WWOX: variants seen among roughly 807,000 people sequenced by gnomAD.
WWOX encodes WW domain-containing oxidoreductase.
Under a neutral mutation model 46.2 loss-of-function variants are expected in WWOX, and 69 were observed. That is an observed-to-expected ratio of 1.49 (90% CI 1.23 to 1.82). WWOX has a LOEUF of 1.82. Among genes scored for constraint, WWOX ranks in the 40% most tolerant of loss-of-function variants. WWOX has a pLI of 0.00. For synonymous variants in WWOX, 359 were observed against 202.6 expected, an observed-to-expected ratio of 1.77 and a Z score of -6.56; for missense variants, 919 against 542.6, an observed-to-expected ratio of 1.69 and a Z score of -6.89.
At chr16:78,881,757 G>A (rs7404729) in intron 8 of WWOX, among the ~76,000 whole-genome samples, 16,833 of 152,154 alleles carry the variant, frequency 0.11, 1,136 homozygotes, top group Non-Finnish European at 0.13. Flanking sequence ...GCTTGTCTAC[G>A]CCAAAATGGT....
intron 8 of WWOX, chr16:78,757,105 A>G: frequency 7.2e-6 from 5 of 692,404 alleles, no homozygotes; most frequent in East Asian, 5.4e-5. Flanking sequence ...CTGGAACTTT[A>G]TTTGAGCCCC....
chr16:79,051,629 T>G (rs542397377), intron 8 of WWOX, among the ~76,000 whole-genome samples: 1 of 152,312 alleles, frequency 6.6e-6, no homozygotes, highest in Admixed American at 6.5e-5. Flanking sequence ...TGCCTCAAAT[T>G]TCTTTAGTGT....
intron 8 of WWOX, among the ~76,000 whole-genome samples, chr16:78,985,334 G>T (rs377647947): frequency 1.3e-5 from 2 of 152,204 alleles, no homozygotes. Flanking sequence ...CCACCGGCAC[G>T]CAGGGTGTTG....
chr16:78,444,128 C>T (rs1197361655), intron 8 of WWOX, among the ~76,000 whole-genome samples: 5 of 152,222 alleles, frequency 3.3e-5, no homozygotes, highest in African/African-American at 1.2e-4. Flanking sequence ...CTTCTTTTTA[C>T]ACCAAGATAA....
intron 6 of WWOX, among the ~76,000 whole-genome samples, chr16:78,395,078 TC>T (rs2082255498): frequency 6.6e-6 from 1 of 152,236 alleles, no homozygotes; most frequent in African/African-American, 2.4e-5. Flanking sequence ...AATATGCATT[TC>T]TTTCTCATCT....
chr16:79,105,071 A>G (rs192306004), intron 8 of WWOX, among the ~76,000 whole-genome samples: 4 of 152,234 alleles, frequency 2.6e-5, no homozygotes, highest in Admixed American at 1.3e-4. Flanking sequence ...ATGTGATATG[A>G]CAGACTGGAA....
intron 8 of WWOX, among the ~76,000 whole-genome samples, chr16:78,546,220 T>C (rs1163254167): frequency 2.0e-5 from 3 of 152,100 alleles, no homozygotes; most frequent in Non-Finnish European, 4.4e-5. Context: ...ACTCTAACCT[T>C]GTGTAGGAGC....
intron 8 of WWOX, among the ~76,000 whole-genome samples, chr16:79,014,044 C>T (rs978008539): frequency 6.6e-6 from 1 of 152,192 alleles, no homozygotes; most frequent in Non-Finnish European, 1.5e-5. Flanking sequence ...TAGAGACTGT[C>T]AATTCCTGAG....
chr16:78,373,542 A>G (rs2081745724), intron 5 of WWOX, among the ~76,000 whole-genome samples: 1 of 152,048 alleles, frequency 6.6e-6, no homozygotes, highest in African/African-American at 2.4e-5. Context: ...TGTCTAGTCA[A>G]CCTCTTTTTC....
intron 8 of WWOX, among the ~76,000 whole-genome samples, chr16:78,681,453 A>G (rs9940697): frequency 0.11 from 16,473 of 152,064 alleles, 1,085 homozygotes; most frequent in East Asian, 0.18. Context: ...TCTATAAAAC[A>G]ATAAAGGAAA....
intron 8 of WWOX, among the ~76,000 whole-genome samples, chr16:78,833,872 C>A (rs1009058727): frequency 6.6e-6 from 1 of 152,266 alleles, no homozygotes; most frequent in African/African-American, 2.4e-5. Context: ...CATGCCTTCT[C>A]TATGGTACCA....
Position 78,706,867 on chromosome 16 carries a change from G to C in WWOX, c.1056+274115G>C, listed in dbSNP as rs545879771. Among the ~76,000 whole-genome samples the C allele has an allele frequency of 1.1e-4, 17 of 151,202 alleles. No homozygotes were observed. The South Asian group carries it at 3.3e-3, about 30-fold the overall frequency. On this transcript the variant is annotated intron_variant, in intron 8 of 8. Transcript: ENST00000566780. ...TCTGGAGTGTAATTGACGCAATCCT[G>C]GCTGGCTGCAGCCTTGACCTTCTGG... is the stretch of plus-strand genomic sequence containing the variant.
At chr16:78,413,319 C>G (rs538034416) in intron 6 of WWOX, among the ~76,000 whole-genome samples, 3 of 152,108 alleles carry the variant, frequency 2.0e-5, no homozygotes, top group South Asian at 2.1e-4. Context: ...TTTGTGTGAA[C>G]AACAAGGCTG....
At chr16:78,469,737 T>C (rs1326650047) in intron 8 of WWOX, among the ~76,000 whole-genome samples, 1 of 152,192 alleles carries the variant, frequency 6.6e-6, no homozygotes, top group Admixed American at 6.5e-5. Context: ...TTCCTCTCAT[T>C]TTATAGAAAT....
intron 5 of WWOX, among the ~76,000 whole-genome samples, chr16:78,244,869 A>C (rs1363682178): frequency 6.6e-6 from 1 of 152,172 alleles, no homozygotes; most frequent in East Asian, 1.9e-4. Flanking sequence ...TTTCTCATAC[A>C]CAATAGGGAC....
chr16:78,148,539 A>T (rs1362949652), intron 4 of WWOX, among the ~76,000 whole-genome samples: 1 of 152,036 alleles, frequency 6.6e-6, no homozygotes, highest in Non-Finnish European at 1.5e-5. Flanking sequence ...AGGAGGCCTA[A>T]ATTTTTTATG....
intron 8 of WWOX, among the ~76,000 whole-genome samples, chr16:78,517,855 A>ATTTT (rs11342538): frequency 6.9e-5 from 6 of 86,376 alleles, no homozygotes; most frequent in Non-Finnish European, 1.1e-4. Context: ...TACACAACCT[A>ATTTT]TTTTTTTTTT....
chr16:78,393,575 T>G (rs2082222134), intron 6 of WWOX, among the ~76,000 whole-genome samples: 1 of 152,186 alleles, frequency 6.6e-6, no homozygotes, highest in South Asian at 2.1e-4. Context: ...ATCCTGGAAC[T>G]TAAAAAGTTG....
intron 8 of WWOX, among the ~76,000 whole-genome samples, chr16:79,059,225 G>A (rs1026905546): frequency 1.3e-5 from 2 of 152,190 alleles, no homozygotes; most frequent in Non-Finnish European, 2.9e-5. Context: ...TGCTATTACA[G>A]TTTGTTGTCA....
Sources: gnomAD v4.1 joint callset for allele counts (sites outside exome capture counted in the v4.1 genomes callset) on GRCh38, gnomAD v4.1.1 for gene constraint, MANE v1.5 for transcripts, NCBI Gene and HGNC (gene_info 2026-07-23, HGNC 2026-07-21) for gene names.